The following AOPEP variants were observed in gnomAD, a reference collection of about 807,000 sequenced individuals.
The protein encoded by AOPEP is aminopeptidase O (putative).
AOPEP carries 77 observed loss-of-function variants against 98.1 expected under a neutral mutation model. The observed-to-expected ratio is 0.78, with a 90% confidence interval of 0.65 to 0.95. The LOEUF is 0.95. Ranked by LOEUF, AOPEP falls within the 40% of genes least tolerant of loss-of-function variation. The pLI is 0.00. For synonymous variants in AOPEP, 346 were observed against 365.3 expected, an observed-to-expected ratio of 0.95 and a Z score of 0.60; for missense variants, 1,024 against 1,024.7, an observed-to-expected ratio of 1.00 and a Z score of 0.01.
intron 3 of AOPEP, among the ~76,000 whole-genome samples, chr9:94,786,170 T>C (rs749654362): frequency 2.0e-5 from 3 of 152,202 alleles, no homozygotes; most frequent in African/African-American, 7.2e-5. Flanking sequence ...TAATGTTTCT[T>C]GAACACTTAC....
intron 5 of AOPEP, among the ~76,000 whole-genome samples, chr9:94,827,326 C>T (rs1433646065): frequency 6.6e-6 from 1 of 152,186 alleles, no homozygotes; most frequent in African/African-American, 2.4e-5. Context: ...CTTGACTTTA[C>T]AGATGAGGAA....
intron 15 of AOPEP, among the ~76,000 whole-genome samples, chr9:95,081,608 A>G (rs529758140): frequency 6.6e-6 from 1 of 152,350 alleles, no homozygotes; most frequent in Admixed American, 6.5e-5. Context: ...TTGTACCAGA[A>G]GAAATGTCAC....
chr9:95,107,415 C>T, the AOPEP span: 4 of 799,342 alleles, frequency 5.0e-6, no homozygotes, highest in South Asian at 1.5e-5. Context: ...GCCGAATTTA[C>T]ACTCGATTTC....
chr9:95,044,951 C>G (rs10993463), intron 13 of AOPEP, among the ~76,000 whole-genome samples: 1 of 152,032 alleles, frequency 6.6e-6, no homozygotes, highest in Non-Finnish European at 1.5e-5. Context: ...GCACACATCT[C>G]AGGCTGTGCA....
the AOPEP span, among the ~76,000 whole-genome samples, chr9:95,138,668 C>G: frequency 6.6e-6 from 1 of 152,208 alleles, no homozygotes; most frequent in Non-Finnish European, 1.5e-5. Flanking sequence ...AGTACCACAT[C>G]CTGGCCGAGA....
intron 5 of AOPEP, among the ~76,000 whole-genome samples, chr9:94,829,467 A>T (rs915894734): frequency 1.3e-5 from 2 of 152,212 alleles, no homozygotes; most frequent in African/African-American, 4.8e-5. Flanking sequence ...TTGATGGGAA[A>T]CATGATATAT....
At chr9:94,797,172 G>A (rs887962623) in intron 4 of AOPEP, among the ~76,000 whole-genome samples, 17 of 152,168 alleles carry the variant, frequency 1.1e-4, no homozygotes, top group Admixed American at 2.6e-4. Flanking sequence ...GGTGGCTCAC[G>A]CCATTAATCC....
At chr9:95,126,324 T>C in the AOPEP span, among the ~76,000 whole-genome samples, 1 of 152,234 alleles carries the variant, frequency 6.6e-6, no homozygotes, top group East Asian at 1.9e-4. Flanking sequence ...TAAAGTTATC[T>C]TAATTCTTAG....
At chr9:94,821,147 A>C (rs1853010477) in intron 5 of AOPEP, among the ~76,000 whole-genome samples, 2 of 144,690 alleles carry the variant, frequency 1.4e-5, no homozygotes, top group South Asian at 4.7e-4. Context: ...TGGTTAAGAG[A>C]AGTAAGTATT....
At chr9:95,133,660 A>G in the AOPEP span, among the ~76,000 whole-genome samples, 1,029 of 152,352 alleles carry the variant, frequency 6.8e-3, 4 homozygotes, top group Non-Finnish European at 0.011. Flanking sequence ...AAAAAAGGCA[A>G]TGGGACTAGA....
intron 14 of AOPEP, among the ~76,000 whole-genome samples, chr9:95,074,200 C>T (rs1052389812): frequency 6.6e-6 from 1 of 152,150 alleles, no homozygotes; most frequent in African/African-American, 2.4e-5. Flanking sequence ...CAGGCCTGTA[C>T]CACAGACATA....
intron 11 of AOPEP, among the ~76,000 whole-genome samples, chr9:94,997,559 A>G (rs925209782): frequency 6.6e-6 from 1 of 152,128 alleles, no homozygotes; most frequent in African/African-American, 2.4e-5. Context: ...TCTGGGTCCC[A>G]CTCTCAGAGA....
the AOPEP span, among the ~76,000 whole-genome samples, chr9:95,105,032 C>G: frequency 6.6e-6 from 1 of 152,228 alleles, no homozygotes; most frequent in African/African-American, 2.4e-5. Flanking sequence ...TAAGAGTACA[C>G]AATAGATTCT....
intron 1 of AOPEP, among the ~76,000 whole-genome samples, chr9:94,751,556 G>A (rs145628679): frequency 6.6e-5 from 10 of 152,234 alleles, no homozygotes; most frequent in Admixed American, 2.6e-4. Context: ...GAATGGAAGA[G>A]GATTCCACGT....
chr9:94,787,532 G>A (rs868214408), intron 3 of AOPEP, among the ~76,000 whole-genome samples: 2 of 152,164 alleles, frequency 1.3e-5, no homozygotes, highest in African/African-American at 2.4e-5. Context: ...AAAATTCAAC[G>A]CAAATGTAGG....
At chr9:95,150,103 GAAAT>G in the AOPEP span, 3 of 1,613,734 alleles carry the variant, frequency 1.9e-6, no homozygotes, top group Non-Finnish European at 1.7e-6. Context: ...GAAGAAATAA[GAAAT>G]AATCACTCAA....
chr9:94,731,624 G>T (rs1037393766), intron 1 of AOPEP, among the ~76,000 whole-genome samples: 1 of 151,718 alleles, frequency 6.6e-6, no homozygotes, highest in African/African-American at 2.4e-5. Context: ...AAAAAGCCCT[G>T]GTTTCTGTGC....
At chr9:95,013,015 T>TA (rs975422671) in intron 13 of AOPEP, among the ~76,000 whole-genome samples, 4 of 148,560 alleles carry the variant, frequency 2.7e-5, no homozygotes, top group Non-Finnish European at 5.9e-5. Flanking sequence ...GATTATCTCT[T>TA]ATCTTTTCTA....
At chr9:94,963,633 A>G (rs1180430342) in intron 9 of AOPEP, among the ~76,000 whole-genome samples, 1 of 152,122 alleles carries the variant, frequency 6.6e-6, no homozygotes, top group South Asian at 2.1e-4. Context: ...CTTTGGTTTT[A>G]ATTTGTTTTC....
Sources: allele counts gnomAD v4.1 joint callset (sites outside exome capture counted in the v4.1 genomes callset), GRCh38; gene constraint gnomAD v4.1.1; transcripts MANE v1.5; gene names NCBI Gene and HGNC (gene_info 2026-07-23, HGNC 2026-07-21).